The following WIPI2 variants were observed in gnomAD, a reference collection of about 807,000 sequenced individuals.
WIPI2 encodes the protein WD repeat domain, phosphoinositide interacting 2.
Under a neutral mutation model 52.3 loss-of-function variants are expected in WIPI2, and 28 were observed. The observed-to-expected ratio is 0.54, with a 90% CI of 0.40 to 0.73. The LOEUF (loss-of-function observed/expected upper bound fraction) is 0.73. WIPI2 is among the 30% of genes least tolerant of loss of function. The pLI is 0.00. For missense variants in WIPI2, 506 were observed against 602.9 expected (o/e 0.84, Z 1.68); for synonymous variants, 268 against 245.0 (o/e 1.09, Z -0.88).
chr7:5,232,217 C>T lies in WIPI2; in HGVS notation c.*1270C>T, dbSNP rs939733902. On this transcript the variant is annotated 3_prime_UTR_variant, in exon 13 of 13. Transcript: ENST00000288828. ...AAGGGAAAAGGCAAAAACTATTTAC[C>T]CTGCCTTTGCAGGCTGGGGTTTTTG... 2 of 398,534 alleles carry T rather than the reference C, an allele frequency of 5.0e-6. No homozygotes were observed. Among genetic ancestry groups the T allele is most frequent in the African/African-American group, 4.1e-5 (2 of 48,626 alleles). 24.7% of individuals were successfully genotyped at this position (398,534 alleles called of 1,614,324 possible).
intron 2 of WIPI2, among the ~76,000 whole-genome samples, 177 bp from the exon 3 acceptor site, chr7:5,199,399 G>A (rs535471662): frequency 7.2e-5 from 11 of 152,232 alleles, no homozygotes; most frequent in African/African-American, 2.6e-4. Flanking sequence ...TTGACCTTGT[G>A]GCATCTTCCT....
In WIPI2 at chr7:5,225,842, C is replaced by G; in HGVS notation, c.760C>G (p.Leu254Val). ...GVKRCVSICS[L>V]AFSMDGMFLS... The stretch of plus-strand genomic sequence containing the variant: ...CCCCAGGTGCGTGAGCATCTGCTCC[C>G]TGGCCTTCAGCATGGACGGCATGTT... The change falls in exon 9 of 13, where the codon CTG (leucine) becomes GTG (valine). Residue 254 changes from leucine (L) to valine (V), a missense_variant. By Grantham distance (32) the Leu-to-Val change is conservative. Transcript: ENST00000288828. 1 of 1,613,188 alleles carries G rather than the reference C, an allele frequency of 6.2e-7. No individual in the cohort carries two copies. The highest frequency in any genetic ancestry group is 8.5e-7 in the Non-Finnish European group (1 of 1,179,798).
chr7:5,195,934 G>C (rs1455506917), intron 2 of WIPI2, among the ~76,000 whole-genome samples: 2 of 152,008 alleles, frequency 1.3e-5, no homozygotes, highest in Non-Finnish European at 2.9e-5. Context: ...AGCTGCTCGG[G>C]ACGCTGAGGC....
At position 5,201,402 on chromosome 7, in the gene WIPI2, C is replaced by T. The variant is rs146723103; in HGVS notation, c.211+1744C>T. Among the ~76,000 whole-genome samples, 548 of 152,304 alleles carry T rather than the reference C, an allele frequency of 3.6e-3. 2 individuals are homozygous for T. Among genetic ancestry groups the T allele is most frequent in the Non-Finnish European group, 6.5e-3 (439 of 68,042 alleles). On this transcript the variant is annotated intron_variant, in intron 3 of 12. Transcript: ENST00000288828. ...TTACTGGCTTCTAGTGCCTTATTTCCCAGAGATTTTTAGTGGAACAAAATG... is the reference window on the plus strand; with the variant it reads ...TTACTGGCTTCTAGTGCCTTATTTCTCAGAGATTTTTAGTGGAACAAAATG...
At position 5,233,350 on chromosome 7, in the gene WIPI2, C is replaced by T. The variant is rs970446339; in HGVS notation, c.*2403C>T. On this transcript the variant is annotated 3_prime_UTR_variant, in exon 13 of 13. Transcript: ENST00000288828. ...GACAGAGGGAGGCCGCTGAGTTGCC[C>T]GTTAGAACTCTTACTGCTGCGCCAG... 5 of 152,206 alleles carry T rather than the reference C, an allele frequency of 3.3e-5. No homozygotes were observed. Among genetic ancestry groups the T allele is most frequent in the South Asian group, 2.1e-4 (1 of 4,820 alleles). 9.4% of individuals were successfully genotyped at this position (152,206 alleles called of 1,614,324 possible). A position where few individuals can be genotyped will look rare whatever the true frequency, so the allele number is the denominator to read the frequency against.
Position 5,232,489 on chromosome 7 carries a change from T to G in WIPI2, c.*1542T>G, listed in dbSNP as rs1783772470. The G allele has an allele frequency of 2.5e-6, 1 of 396,986 alleles. No homozygotes were observed. Among genetic ancestry groups the G allele is most frequent in the Non-Finnish European group, 4.4e-6 (1 of 225,542 alleles). The allele number at this position is 396,986 out of a possible 1,614,324, so 24.6% of individuals were successfully genotyped here. On this transcript the variant is annotated 3_prime_UTR_variant, in exon 13 of 13. Transcript: ENST00000288828. Reference sequence around the variant, plus strand: ...TAGGCAGAGGTGCAAGTGGGCTGATTGAACTTTTCCTTCAAAACCTGCTTG... The same window carrying G: ...TAGGCAGAGGTGCAAGTGGGCTGATGGAACTTTTCCTTCAAAACCTGCTTG...
intron 7 of WIPI2, among the ~76,000 whole-genome samples, chr7:5,222,241 G>A (rs976588164): frequency 1.3e-5 from 2 of 152,268 alleles, no homozygotes; most frequent in Admixed American, 1.3e-4. Flanking sequence ...GAGCCACCAC[G>A]CCCGGCCCAG....
chr7:5,195,639 G>A (rs1362087482), intron 2 of WIPI2, among the ~76,000 whole-genome samples: 2 of 152,164 alleles, frequency 1.3e-5, no homozygotes, highest in African/African-American at 2.4e-5. Flanking sequence ...TTATGGTCAG[G>A]TCAATTTTGA....
At chr7:5,211,067 A>G (rs994590227) in intron 3 of WIPI2, among the ~76,000 whole-genome samples, 2 of 152,266 alleles carry the variant, frequency 1.3e-5, no homozygotes, top group African/African-American at 4.8e-5. Context: ...GCAGACACTC[A>G]GTAGCCCTAT....
intron 8 of WIPI2, 72 bp from the exon 9 acceptor site, chr7:5,225,751 C>T (rs1783398469): frequency 1.8e-6 from 2 of 1,101,972 alleles, no homozygotes; most frequent in Admixed American, 2.0e-5. Flanking sequence ...GAACTCTTCT[C>T]CGCCACTTGA....
intron 1 of WIPI2, among the ~76,000 whole-genome samples, chr7:5,191,620 G>A (rs894233350): frequency 1.2e-4 from 18 of 152,144 alleles, no homozygotes; most frequent in African/African-American, 4.3e-4. Context: ...GAGAGAGAAG[G>A]GTGAGTTATG....
In WIPI2 at chr7:5,231,023, A is replaced by C. The variant is rs2115330279; in HGVS notation, c.*76A>C. 7.6e-7 allele frequency: 1 copy of C among 1,310,184 alleles called. No individual in the cohort carries two copies. The highest frequency in any genetic ancestry group is 1.0e-6 in the Non-Finnish European group (1 of 955,244). The allele number at this position is 1,310,184 out of a possible 1,614,324, so 81.2% of individuals were successfully genotyped here. A position where few individuals can be genotyped will look rare whatever the true frequency, so the allele number is the denominator to read the frequency against. ...AGGACTTTGTGCATTGCTGCTATGA[A>C]CTTTGACCTGAGTCGGGGGAGAGGA... On this transcript the variant is annotated 3_prime_UTR_variant, in exon 13 of 13. Coordinates refer to ENST00000288828, the MANE Select transcript of WIPI2 (RefSeq NM_015610.4).
At chr7:5,218,107 T>G in intron 7 of WIPI2, 93 bp downstream of exon 7, 2 of 1,331,162 alleles carry the variant, frequency 1.5e-6, no homozygotes, top group Non-Finnish European at 2.2e-6. Flanking sequence ...GGCAAGGTCC[T>G]ATACTTACCA....
Position 5,232,230 on chromosome 7 carries a change from G to T in WIPI2, c.*1283G>T, listed in dbSNP as rs1484186277. On this transcript the variant is annotated 3_prime_UTR_variant, in exon 13 of 13. Transcript: ENST00000288828. ...AAAACTATTTACCCTGCCTTTGCAG[G>T]CTGGGGTTTTTGAACCGAGGAAGGC... 5.0e-6 allele frequency: 2 copies of T among 398,582 alleles called. No individual in the cohort carries two copies. The highest frequency in any genetic ancestry group is 8.8e-5 in the Admixed American group (2 of 22,714). 24.7% of individuals were successfully genotyped at this position (398,582 alleles called of 1,614,324 possible).
intron 2 of WIPI2, among the ~76,000 whole-genome samples, chr7:5,194,563 G>T (rs1781648906): frequency 6.6e-6 from 1 of 152,102 alleles, no homozygotes; most frequent in South Asian, 2.1e-4. Context: ...CATTTATTTT[G>T]GTTCCATCCC....
In WIPI2 at chr7:5,230,039, C is replaced by G. The variant is rs1460460600; in HGVS notation, c.1252+301C>G. 6.6e-6 allele frequency among the ~76,000 whole-genome samples: 1 copy of G among 151,342 alleles called. No individual in the cohort carries two copies. Among genetic ancestry groups the G allele is most frequent in the East Asian group, 1.9e-4 (1 of 5,160 alleles). ...TCTCCCGCCTCAGCCTCCCACAGTG[C>G]TGGGATTATAGGCATGAGCCACCGT... On this transcript the variant is annotated intron_variant, in intron 12 of 12. Transcript: ENST00000288828. The surrounding 1 kb of genome is among the most constrained non-coding windows in gnomAD (Gnocchi z 4.8).
intron 5 of WIPI2, 185 bp downstream of exon 5, chr7:5,216,844 G>C: frequency 1.4e-6 from 1 of 707,586 alleles, no homozygotes; most frequent in Non-Finnish European, 2.3e-6. Flanking sequence ...TCATTGGTTT[G>C]ATCAACTTTC....
chr7:5,207,597 A>G (rs1444733130), intron 3 of WIPI2, among the ~76,000 whole-genome samples: 1 of 152,104 alleles, frequency 6.6e-6, no homozygotes, highest in Non-Finnish European at 1.5e-5. Flanking sequence ...TTCTCGTACA[A>G]GTCTTTTAAT....
chr7:5,190,524 G>C, intron 1 of WIPI2, 31 bp downstream of exon 1: 2 of 1,477,222 alleles, frequency 1.4e-6, no homozygotes, highest in Non-Finnish European at 1.8e-6. Context: ...CGGAGTCGGG[G>C]TGAGGCCAGG....
Sources: gnomAD v4.1 joint callset for allele counts (sites outside exome capture counted in the v4.1 genomes callset) on GRCh38, gnomAD v4.1.1 for gene constraint, Gnocchi (gnomAD v3.1) non-coding constraint, MANE v1.5 for transcripts, NCBI Gene and HGNC (gene_info 2026-07-23, HGNC 2026-07-21) for gene names.